The following BCR variants were observed in gnomAD, a reference collection of about 807,000 sequenced individuals.
BCR encodes the protein breakpoint cluster region protein.
In BCR, 58 loss-of-function variants were observed where a neutral mutation model predicts 138.6. The observed-to-expected ratio is 0.42, with a 90% CI of 0.34 to 0.52. The LOEUF is 0.52. BCR is among the 20% of genes least tolerant of loss of function. The probability of loss-of-function intolerance (pLI) is 0.06; values close to 1 mark genes in which losing one functional copy is unlikely to be tolerated. For missense variants in BCR, 1,599 were observed against 1,727.2 expected, an observed-to-expected ratio of 0.93 and a Z score of 1.32; for synonymous variants, 786 against 730.1, an observed-to-expected ratio of 1.08 and a Z score of -1.23.
intron 1 of BCR, among the ~76,000 whole-genome samples, chr22:23,240,277 T>C (rs2073073927): frequency 1.3e-5 from 2 of 151,922 alleles, no homozygotes; most frequent in South Asian, 4.2e-4. Flanking sequence ...TATTCTTTTG[T>C]TTTAAATTTC....
rs139494731 is a variant in BCR at position 23,245,409 on chromosome 22, G to A, written c.1280-8390G>A. ...CTTTCCATTCTTGGGTGCTGGCCTGGTGATGTCATTGTTGGGGTACGGCAT... is the reference window on the plus strand; with the variant it reads ...CTTTCCATTCTTGGGTGCTGGCCTGATGATGTCATTGTTGGGGTACGGCAT... On this transcript the variant is annotated intron_variant, in intron 1 of 22. Coordinates refer to ENST00000305877, the MANE Select transcript of BCR (RefSeq NM_004327.4). 3.9e-5 allele frequency among the ~76,000 whole-genome samples: 6 copies of A among 152,240 alleles called. No individual in the cohort carries two copies. The East Asian group carries it at 1.2e-3, about 29-fold the overall frequency.
intron 15 of BCR, among the ~76,000 whole-genome samples, chr22:23,294,037 C>G (rs1181127077): frequency 6.6e-6 from 1 of 152,196 alleles, no homozygotes; most frequent in African/African-American, 2.4e-5. Context: ...CCTCCTGTAT[C>G]AACCCCAAGG....
chr22:23,222,941 T>C (rs2072843030), intron 1 of BCR, among the ~76,000 whole-genome samples: 1 of 152,140 alleles, frequency 6.6e-6, no homozygotes. Flanking sequence ...AAGTTTGAGA[T>C]CAAGGCACCT....
chr22:23,282,064 C>G (rs1223339807), intron 8 of BCR, among the ~76,000 whole-genome samples: 1 of 152,258 alleles, frequency 6.6e-6, no homozygotes, highest in Non-Finnish European at 1.5e-5. Flanking sequence ...AGCCCCGCCA[C>G]TGCCCCAGAA....
chr22:23,253,005 A>G (rs982431390), intron 1 of BCR, among the ~76,000 whole-genome samples: 1 of 152,096 alleles, frequency 6.6e-6, no homozygotes, highest in Non-Finnish European at 1.5e-5. Context: ...CAGGTTATCT[A>G]TTGGCCGTAA....
chr22:23,314,099 C>A (rs2074039107), intron 21 of BCR, 26 bp downstream of exon 21: 1 of 1,575,348 alleles, frequency 6.3e-7, no homozygotes, highest in East Asian at 2.2e-5. Context: ...CATGGCAGCC[C>A]AGGGCTCCAG....
Position 23,312,957 on chromosome 22 carries a change from C to A in BCR, c.3393C>A (p.Tyr1131Ter). 6.3e-7 allele frequency: 1 copy of A among 1,591,828 alleles called. No homozygotes were observed. Among genetic ancestry groups the A allele is most frequent in the Non-Finnish European group, 8.5e-7 (1 of 1,174,808 alleles). The change falls in exon 20 of 23, where the codon TAC becomes TAA. Residue 1131 changes from tyrosine (Y) to a stop codon, truncating the protein, a stop_gained. Transcript: ENST00000305877. LOFTEE classifies it high-confidence loss of function. The stretch of plus-strand genomic sequence containing the variant: ...CCATCGCAGGCACGCTGAAGCTGTA[C>A]TTCCGTGAGCTGCCCGAGCCCCTCT... ...VNAIAGTLKL[Y>*]FRELPEPLFT... is the part of the protein sequence containing the mutation.
At chr22:23,190,258 C>T (rs2072397174) in intron 1 of BCR, among the ~76,000 whole-genome samples, 1 of 152,202 alleles carries the variant, frequency 6.6e-6, no homozygotes, top group Non-Finnish European at 1.5e-5. Context: ...ACCTCCACCT[C>T]CCAGGTTCAG....
intron 4 of BCR, chr22:23,262,727 G>C: frequency 4.9e-5 from 35 of 712,222 alleles, no homozygotes; most frequent in Non-Finnish European, 5.8e-5. Context: ...GGGTGAGGGC[G>C]GGGGCGGAGA....
At chr22:23,195,420 CA>C (rs529306820) in intron 1 of BCR, among the ~76,000 whole-genome samples, 4,064 of 92,256 alleles carry the variant, frequency 0.044, 191 homozygotes, top group African/African-American at 0.15. Context: ...AACTCCGTCT[CA>C]AAAAAAAAAA....
chr22:23,317,192 CCTCT>C lies in BCR; in HGVS notation c.*1673_*1676del, dbSNP rs1225792964. ...ACAGTGGGGCCATGCGCCTGACACTCCTCTCTGCTTGTGGACCTGGCAAGGCAGG... is the reference window on the plus strand; with the variant it reads ...ACAGTGGGGCCATGCGCCTGACACTCCTGCTTGTGGACCTGGCAAGGCAGG... On this transcript the variant is annotated 3_prime_UTR_variant, in exon 23 of 23. Transcript: ENST00000305877. 9.5e-5 allele frequency: 16 copies of C among 167,844 alleles called. No individual in the cohort carries two copies. Among genetic ancestry groups the C allele is most frequent in the Non-Finnish European group, 1.2e-4 (11 of 88,346 alleles). The allele number at this position is 167,844 out of a possible 1,614,324, so 10.4% of individuals were successfully genotyped here.
chr22:23,213,848 A>G (rs531108047), intron 1 of BCR, among the ~76,000 whole-genome samples: 11 of 151,482 alleles, frequency 7.3e-5, no homozygotes, highest in East Asian at 3.9e-4. Context: ...AAAAAAAAAA[A>G]AAGAAGAAGA....
chr22:23,264,191 C>T (rs1184480683), intron 4 of BCR: 29 of 1,275,934 alleles, frequency 2.3e-5, no homozygotes, highest in Non-Finnish European at 3.1e-5. Context: ...GTTCCTCCTT[C>T]TATAGCGTTG....
At position 23,263,339 on chromosome 22, in the gene BCR, G is replaced by A. The variant is rs1468448643; in HGVS notation, c.1752+1799G>A. Reference sequence around the variant, plus strand: ...CCAACTGCGACCTGCTCCGGCGCCAGATAGCCTGGGCCTCGCTCAACTCCG... The same window carrying A: ...CCAACTGCGACCTGCTCCGGCGCCAAATAGCCTGGGCCTCGCTCAACTCCG... On this transcript the variant is annotated intron_variant, in intron 4 of 22. Coordinates refer to ENST00000305877, the MANE Select transcript of BCR (RefSeq NM_004327.4). 3.3e-6 allele frequency: 4 copies of A among 1,197,440 alleles called. No homozygotes were observed. In the East Asian group the frequency reaches 9.3e-5, roughly 28 times the overall value. The allele number at this position is 1,197,440 out of a possible 1,614,324, so 74.2% of individuals were successfully genotyped here.
At chr22:23,303,750 G>A (rs1298298728) in intron 16 of BCR, among the ~76,000 whole-genome samples, 3 of 152,188 alleles carry the variant, frequency 2.0e-5, no homozygotes, top group Non-Finnish European at 2.9e-5. Context: ...AACATGGATA[G>A]TGATACAGGT....
chr22:23,231,462 A>AT (rs1422817460), intron 1 of BCR, among the ~76,000 whole-genome samples: 4 of 152,006 alleles, frequency 2.6e-5, no homozygotes, highest in Non-Finnish European at 4.4e-5. Flanking sequence ...AGCCATGTTC[A>AT]TGCCACTGCA....
Position 23,181,876 on chromosome 22 carries a change from G to T in BCR, c.916G>T (p.Glu306Ter). 1 of 1,613,290 alleles carries T rather than the reference G, an allele frequency of 6.2e-7. No individual in the cohort carries two copies. Residue 306 changes from glutamate to a stop codon, truncating the protein, a stop_gained, in exon 1 of 23, where the codon GAG becomes TAG. Coordinates refer to ENST00000305877, the MANE Select transcript of BCR (RefSeq NM_004327.4). LOFTEE classifies it high-confidence loss of function. ...GCGCAGCCAGAGCACCTCTGAGCAG[G>T]AGAAGCGCCTTACCTGGCCCCGCAG... The part of the protein sequence containing the change: ...LLRSQSTSEQ[E>*]KRLTWPRRSY...
chr22:23,217,527 G>A (rs966350396), intron 1 of BCR, among the ~76,000 whole-genome samples: 2 of 152,154 alleles, frequency 1.3e-5, no homozygotes, highest in African/African-American at 4.8e-5. Context: ...TAGGCGTGGG[G>A]CTCAGCCTGC....
At chr22:23,189,174 A>G (rs2072383595) in intron 1 of BCR, among the ~76,000 whole-genome samples, 1 of 152,172 alleles carries the variant, frequency 6.6e-6, no homozygotes, top group African/African-American at 2.4e-5. Context: ...TTTATATTAT[A>G]AGATGCACCA....
Sources: allele counts gnomAD v4.1 joint callset (sites outside exome capture counted in the v4.1 genomes callset), GRCh38; gene constraint gnomAD v4.1.1; transcripts MANE v1.5; gene names NCBI Gene and HGNC (gene_info 2026-07-23, HGNC 2026-07-21).